The following PCDH15 variants were observed in gnomAD, a reference collection of about 807,000 sequenced individuals.
The protein encoded by PCDH15 is protocadherin related 15.
Under a neutral mutation model 178.5 loss-of-function variants are expected in PCDH15, and 129 were observed. The ratio of observed to expected loss-of-function variants is 0.72; its 90% confidence interval spans 0.63 to 0.84. The LOEUF (loss-of-function observed/expected upper bound fraction) is 0.84. Among genes scored for constraint, PCDH15 ranks in the 40% least tolerant of loss-of-function variants. PCDH15 has a pLI of 0.00. For synonymous variants in PCDH15, 800 were observed against 732.0 expected (o/e 1.09, Z -1.50); for missense variants, 2,230 against 2,099.9 (o/e 1.06, Z -1.21).
chr10:54,663,535 G>A (rs1274712718), intron 2 of PCDH15, among the ~76,000 whole-genome samples: 3 of 150,430 alleles, frequency 2.0e-5, no homozygotes, highest in African/African-American at 7.3e-5. Flanking sequence ...GCACAATTGG[G>A]CCATTGCAAA....
intron 29 of PCDH15, among the ~76,000 whole-genome samples, chr10:53,835,209 G>C: frequency 6.6e-6 from 1 of 152,218 alleles, no homozygotes; most frequent in South Asian, 2.1e-4. Flanking sequence ...ATCAGATACC[G>C]TTTAAGGTCT....
intron 14 of PCDH15, among the ~76,000 whole-genome samples, chr10:54,139,201 A>C (rs2133147953): frequency 6.6e-6 from 1 of 152,216 alleles, no homozygotes; most frequent in East Asian, 1.9e-4. Context: ...GACAAATGAG[A>C]CTAATGTAAT....
Position 54,642,372 on chromosome 10 carries a change from G to A in PCDH15, c.91+21800C>T, listed in dbSNP as rs551463789. On this transcript the variant is annotated intron_variant, in intron 2 of 37. Transcript: ENST00000644397. ...GCAACTGTCTATATCAATTTATAGT[G>A]CTATGTTATAGCAACCTAAATGGAC... 6.6e-5 allele frequency among the ~76,000 whole-genome samples: 10 copies of A among 152,250 alleles called. No individual in the cohort carries two copies. In the South Asian group the frequency reaches 2.1e-3, roughly 32 times the overall value.
chr10:54,728,719 G>T (rs367781888), intron 1 of PCDH15, among the ~76,000 whole-genome samples: 2 of 151,158 alleles, frequency 1.3e-5, no homozygotes, highest in Non-Finnish European at 3.0e-5. Flanking sequence ...AATTGATAAC[G>T]TCAGCAAAGT....
intron 2 of PCDH15, among the ~76,000 whole-genome samples, chr10:55,615,054 T>C (rs1287791549): frequency 6.6e-6 from 1 of 152,092 alleles, no homozygotes; most frequent in Non-Finnish European, 1.5e-5. Context: ...ATTTGGAAAA[T>C]TGTAAAAAAT....
At chr10:54,186,054 G>C (rs1057375799) in intron 11 of PCDH15, among the ~76,000 whole-genome samples, 4 of 151,932 alleles carry the variant, frequency 2.6e-5, no homozygotes, top group African/African-American at 7.2e-5. Flanking sequence ...CTCTAATTTA[G>C]AGAAAGAACA....
chr10:55,231,303 C>A (rs1841214055), intron 1 of PCDH15, among the ~76,000 whole-genome samples: 1 of 151,884 alleles, frequency 6.6e-6, no homozygotes, highest in Admixed American at 6.6e-5. Flanking sequence ...GAGAATAAAA[C>A]CAATGTAATT....
rs1837557126 is a variant in PCDH15 at position 54,924,069 on chromosome 10, G to T, written c.-79-26569C>A. ...TCACATATCTACAAGCTGTTCAGGT[G>T]ACATGGCTGTGGAGGCCATAGGAAA... On this transcript the variant is annotated intron_variant, in intron 2 of 5. Transcript: ENST00000458638. Among the ~76,000 whole-genome samples, 3 of 138,226 alleles carry T rather than the reference G, an allele frequency of 2.2e-5. 1 individual carries two copies. The highest frequency in any genetic ancestry group is 2.3e-4 in the South Asian group (1 of 4,372). 90.7% of individuals were successfully genotyped at this position (138,226 alleles called of 152,430 possible).
intron 3 of PCDH15, among the ~76,000 whole-genome samples, chr10:54,833,931 G>A (rs1953268106): frequency 6.6e-6 from 1 of 152,070 alleles, no homozygotes; most frequent in African/African-American, 2.4e-5. Context: ...AATTATGAAT[G>A]AGGACTAAAA....
At chr10:54,278,034 C>G (rs973202217) in intron 8 of PCDH15, among the ~76,000 whole-genome samples, 4 of 151,564 alleles carry the variant, frequency 2.6e-5, no homozygotes, top group South Asian at 4.1e-4. Flanking sequence ...GAGATTCAAA[C>G]TGAAGACATA....
chr10:54,348,761 C>T (rs2583025), intron 5 of PCDH15, among the ~76,000 whole-genome samples: 5,383 of 152,116 alleles, frequency 0.035, 307 homozygotes, highest in African/African-American at 0.12. Context: ...CCATGTTGTA[C>T]AATAGATTTA....
intron 2 of PCDH15, among the ~76,000 whole-genome samples, chr10:54,570,385 T>C (rs1184578636): frequency 6.6e-6 from 1 of 152,168 alleles, no homozygotes; most frequent in Non-Finnish European, 1.5e-5. Context: ...ATTATAATAT[T>C]TTCAAAATGT....
At chr10:54,859,630 T>C (rs571220368) in intron 3 of PCDH15, among the ~76,000 whole-genome samples, 1 of 152,086 alleles carries the variant, frequency 6.6e-6, no homozygotes, top group Admixed American at 6.6e-5. Flanking sequence ...AACCAACATT[T>C]ATTGATCAAC....
At chr10:54,776,922 G>C (rs561180377) in intron 1 of PCDH15, among the ~76,000 whole-genome samples, 21 of 152,236 alleles carry the variant, frequency 1.4e-4, no homozygotes, top group Admixed American at 3.9e-4. Context: ...TTTATACAAA[G>C]AAAGAACTAG....
chr10:55,377,219 G>C (rs1365785032), intron 2 of PCDH15, among the ~76,000 whole-genome samples: 1 of 150,586 alleles, frequency 6.6e-6, no homozygotes, highest in Admixed American at 6.6e-5. Context: ...AGTGTCCAAG[G>C]CAAACTATTT....
intron 3 of PCDH15, among the ~76,000 whole-genome samples, chr10:54,391,625 A>G (rs1172331880): frequency 1.3e-5 from 2 of 151,974 alleles, no homozygotes; most frequent in African/African-American, 4.8e-5. Flanking sequence ...GGGAAATGTC[A>G]TATAACATGA....
intron 2 of PCDH15, among the ~76,000 whole-genome samples, chr10:54,663,243 C>T (rs1217749616): frequency 6.6e-6 from 1 of 151,780 alleles, no homozygotes; most frequent in African/African-American, 2.4e-5. Context: ...AATGCACATC[C>T]TTTGCTGCCG....
intron 3 of PCDH15, among the ~76,000 whole-genome samples, chr10:54,471,399 C>T (rs968966363): frequency 3.3e-5 from 5 of 151,988 alleles, no homozygotes; most frequent in African/African-American, 1.2e-4. Flanking sequence ...GCTTCTCAGG[C>T]TATCCAAACC....
intron 2 of PCDH15, among the ~76,000 whole-genome samples, chr10:55,355,046 C>T (rs1441876948): frequency 1.3e-5 from 2 of 151,880 alleles, no homozygotes; most frequent in African/African-American, 2.4e-5. Flanking sequence ...TAGGAGAATG[C>T]CTTTGAGGTT....
Sources: allele counts gnomAD v4.1 joint callset (sites outside exome capture counted in the v4.1 genomes callset), GRCh38; gene constraint gnomAD v4.1.1; transcripts MANE v1.5; gene names NCBI Gene and HGNC (gene_info 2026-07-23, HGNC 2026-07-21).